PRLR: variants seen among roughly 807,000 people sequenced by gnomAD.
PRLR encodes prolactin receptor, also known as hPRL receptor.
Under a neutral mutation model 40.2 loss-of-function variants are expected in PRLR, and 13 were observed. The ratio of observed to expected loss-of-function variants is 0.32; its 90% CI spans 0.21 to 0.51. PRLR has a LOEUF of 0.51. PRLR is among the 20% of genes least tolerant of loss of function. The pLI, the probability that PRLR is intolerant of heterozygous loss-of-function variation, is 0.97. For missense variants in PRLR, 656 were observed against 747.3 expected (o/e 0.88, Z 1.42); for synonymous variants, 269 against 278.7 (o/e 0.97, Z 0.35).
At chr5:35,221,227 T>C (rs1415007995) in intron 1 of PRLR, among the ~76,000 whole-genome samples, 1 of 152,212 alleles carries the variant, frequency 6.6e-6, no homozygotes, top group African/African-American at 2.4e-5. Context: ...GGCTTTAAAA[T>C]GGCTGAGACA....
At chr5:35,079,087 C>T (rs1462652224) in intron 5 of PRLR, among the ~76,000 whole-genome samples, 2 of 152,176 alleles carry the variant, frequency 1.3e-5, no homozygotes, top group African/African-American at 4.8e-5. Context: ...TATGACAAAC[C>T]CACAGCCAAT....
chr5:35,164,025 C>G (rs765105043), intron 1 of PRLR, among the ~76,000 whole-genome samples: 17 of 152,182 alleles, frequency 1.1e-4, no homozygotes, highest in Non-Finnish European at 2.1e-4. Context: ...TGAAAGCCTG[C>G]TTATTGAAGC....
At chr5:35,101,921 A>G (rs866453633) in intron 2 of PRLR, among the ~76,000 whole-genome samples, 8 of 151,434 alleles carry the variant, frequency 5.3e-5, no homozygotes, top group Non-Finnish European at 1.0e-4. Context: ...TTTGCCTCCC[A>G]GGTTCAAATG....
chr5:35,222,733 G>A (rs1333493508), intron 1 of PRLR, among the ~76,000 whole-genome samples: 3 of 152,122 alleles, frequency 2.0e-5, no homozygotes. Context: ...AGTTTAATAA[G>A]GTATGTGGAA....
At chr5:35,180,399 T>A (rs1775262020) in intron 1 of PRLR, among the ~76,000 whole-genome samples, 1 of 152,058 alleles carries the variant, frequency 6.6e-6, no homozygotes, top group Non-Finnish European at 1.5e-5. Context: ...TGTTTAAAAG[T>A]GTGTGGCACC....
chr5:35,203,780 T>C (rs1775940271), intron 1 of PRLR, among the ~76,000 whole-genome samples: 1 of 152,162 alleles, frequency 6.6e-6, no homozygotes, highest in African/African-American at 2.4e-5. Context: ...GCTCCCCTTT[T>C]CATTTAGTGG....
chr5:35,138,166 A>G (rs1223878483), intron 1 of PRLR, among the ~76,000 whole-genome samples: 1 of 152,202 alleles, frequency 6.6e-6, no homozygotes, highest in Non-Finnish European at 1.5e-5. Flanking sequence ...CATAGCTAAG[A>G]GCTAGAGATG....
At chr5:35,187,901 C>T (rs977027390) in intron 1 of PRLR, among the ~76,000 whole-genome samples, 6 of 152,290 alleles carry the variant, frequency 3.9e-5, no homozygotes, top group African/African-American at 1.4e-4. Flanking sequence ...GGAGTCCATG[C>T]TTCTGAGGTG....
At chr5:35,192,400 C>A (rs1442030061) in intron 1 of PRLR, among the ~76,000 whole-genome samples, 1 of 152,170 alleles carries the variant, frequency 6.6e-6, no homozygotes, top group East Asian at 1.9e-4. Context: ...AGGACTCCAG[C>A]ATATTTAAAT....
intron 1 of PRLR, among the ~76,000 whole-genome samples, chr5:35,124,990 T>C (rs1773409810): frequency 6.6e-6 from 1 of 152,220 alleles, no homozygotes; most frequent in African/African-American, 2.4e-5. Context: ...TGTTATAACC[T>C]GCCAAGGCCA....
At chr5:35,190,697 T>C (rs1254950029) in intron 1 of PRLR, among the ~76,000 whole-genome samples, 1 of 152,190 alleles carries the variant, frequency 6.6e-6, no homozygotes, top group Non-Finnish European at 1.5e-5. Flanking sequence ...CATAATCCTA[T>C]CATAATCAGA....
intron 1 of PRLR, among the ~76,000 whole-genome samples, chr5:35,169,751 C>G (rs537018936): frequency 2.0e-5 from 3 of 152,188 alleles, no homozygotes; most frequent in African/African-American, 7.2e-5. Context: ...TTGAATTATA[C>G]GACTTTTGGA....
intron 2 of PRLR, among the ~76,000 whole-genome samples, chr5:35,098,781 A>T (rs6868687): frequency 1.3e-5 from 2 of 152,190 alleles, no homozygotes; most frequent in African/African-American, 4.8e-5. Context: ...GGAAGGGAAC[A>T]TCAGGGGAAT....
intron 2 of PRLR, among the ~76,000 whole-genome samples, chr5:35,090,914 C>T (rs917187690): frequency 2.7e-5 from 4 of 149,076 alleles, no homozygotes; most frequent in South Asian, 2.2e-4. Flanking sequence ...GGATTCACGC[C>T]ATTCTCCTGC....
chr5:35,174,064 T>C (rs1275486382), intron 1 of PRLR, among the ~76,000 whole-genome samples: 2 of 150,644 alleles, frequency 1.3e-5, no homozygotes, highest in African/African-American at 2.5e-5. Context: ...TTCCCACCTA[T>C]GAGTGAGAAC....
At chr5:35,097,729 G>T (rs1459690370) in intron 2 of PRLR, among the ~76,000 whole-genome samples, 1 of 152,118 alleles carries the variant, frequency 6.6e-6, no homozygotes, top group East Asian at 1.9e-4. Context: ...GAAGGCTGTG[G>T]GAACCGGGGA....
intron 9 of PRLR, 129 bp from the exon 10 acceptor site, chr5:35,066,231 G>T: frequency 1.1e-6 from 1 of 939,162 alleles, no homozygotes; most frequent in Non-Finnish European, 1.5e-6. Flanking sequence ...ACATTTGTGT[G>T]CCAGGCCATC....
intron 1 of PRLR, among the ~76,000 whole-genome samples, chr5:35,212,111 T>G (rs1776183571): frequency 6.6e-6 from 1 of 152,202 alleles, no homozygotes. Context: ...ATATTTGAGG[T>G]CCACATTAAG....
intron 8 of PRLR, among the ~76,000 whole-genome samples, chr5:35,049,739 T>A (rs971467390): frequency 6.6e-6 from 1 of 152,152 alleles, no homozygotes; most frequent in African/African-American, 2.4e-5. Flanking sequence ...TTCTCTAGCA[T>A]CCTAGGACAG....
Sources: allele counts gnomAD v4.1 joint callset (sites outside exome capture counted in the v4.1 genomes callset), GRCh38; gene constraint gnomAD v4.1.1; transcripts MANE v1.5; gene names NCBI Gene and HGNC (gene_info 2026-07-23, HGNC 2026-07-21).